TRPM5: variants seen among roughly 807,000 people sequenced by gnomAD.
TRPM5 encodes transient receptor potential cation channel subfamily M member 5.
A neutral mutation model predicts 124.9 loss-of-function variants in TRPM5; 121 were observed. That is an observed-to-expected ratio of 0.97 (90% CI 0.84 to 1.13). The LOEUF is 1.13. TRPM5 is among the 50% of genes most tolerant of loss of function. The pLI, the probability that TRPM5 is intolerant of heterozygous loss-of-function variation, is 0.00. For missense variants in TRPM5, 1,643 were observed against 1,589.1 expected (o/e 1.03, Z -0.58); for synonymous variants, 781 against 700.5 (o/e 1.11, Z -1.81).
In TRPM5 at chr11:2,418,721, G is replaced by A. The variant is rs575599381; in HGVS notation, c.650-130C>T. 74 of 910,084 alleles carry A rather than the reference G, an allele frequency of 8.1e-5. 1 individual carries two copies. The highest frequency in any genetic ancestry group is 3.3e-4 in the Admixed American group (13 of 39,400). The allele number at this position is 910,084 out of a possible 1,614,324, so 56.4% of individuals were successfully genotyped here. ...CCGAATAAAGTGTGGGCTTCGTCTG[G>A]GCCACGTGACACAGGCTGCTTATTA... is the stretch of plus-strand genomic sequence containing the variant. On this transcript the variant is annotated intron_variant, in intron 4 of 23. Transcript: ENST00000155858.
At chr11:2,442,696 G>A in the TRPM5 span, among the ~76,000 whole-genome samples, 1 of 152,172 alleles carries the variant, frequency 6.6e-6, no homozygotes, top group Non-Finnish European at 1.5e-5. The surrounding 1 kb of genome is among the most constrained non-coding windows in gnomAD (Gnocchi z 5.9). Context: ...CAGTGATGAG[G>A]AGTGCACCTG....
chr11:2,419,278 T>C (rs3892553), intron 4 of TRPM5, among the ~76,000 whole-genome samples: 70,715 of 151,666 alleles, frequency 0.47, 17,322 homozygotes, highest in East Asian at 0.66. Context: ...CCTGTGTCCC[T>C]AGAGTTTGAC....
At chr11:2,412,712 A>G in intron 15 of TRPM5, 42 bp downstream of exon 20, 2 of 1,528,074 alleles carry the variant, frequency 1.3e-6, no homozygotes, top group Non-Finnish European at 1.8e-6. Context: ...CCCAACCTGA[A>G]GCTGCAGAGT....
chr11:2,431,151 GAT>G, the TRPM5 span, among the ~76,000 whole-genome samples: 71 of 152,218 alleles, frequency 4.7e-4, no homozygotes, highest in South Asian at 0.014. Context: ...AGGAGAAGCA[GAT>G]ATCAGCTTCC....
chr11:2,414,362 C>T (rs545983074), intron 11 of TRPM5, among the ~76,000 whole-genome samples, 156 bp from the exon 17 acceptor site: 30 of 152,306 alleles, frequency 2.0e-4, no homozygotes, highest in Non-Finnish European at 3.1e-4. Flanking sequence ...CTCCGGCCTG[C>T]TCCGGGCCCT....
chr11:2,406,631 C>T (rs1220955680), intron 21 of TRPM5, 30 bp downstream of exon 26: 2 of 1,578,196 alleles, frequency 1.3e-6, no homozygotes, highest in Non-Finnish European at 8.6e-7. Flanking sequence ...CAGCCCGATA[C>T]CCACCAGTGA....
chr11:2,419,695 A>T (rs980661075), intron 4 of TRPM5, among the ~76,000 whole-genome samples: 1 of 151,666 alleles, frequency 6.6e-6, no homozygotes, highest in Non-Finnish European at 1.5e-5. Context: ...TAAATATTGT[A>T]TATTGTTCAT....
chr11:2,411,093 T>C (rs1477096748), intron 18 of TRPM5, among the ~76,000 whole-genome samples: 1 of 152,050 alleles, frequency 6.6e-6, no homozygotes, highest in Non-Finnish European at 1.5e-5. Flanking sequence ...GGGGTCTCCT[T>C]GTGTCTCCTT....
At chr11:2,423,715 G>A (rs540561789), upstream of TRPM5, among the ~76,000 whole-genome samples, 2 of 152,174 alleles carry the variant, frequency 1.3e-5, no homozygotes, top group Non-Finnish European at 2.9e-5. Context: ...GGCCGCGTGC[G>A]CCTCAGCCCT....
chr11:2,423,817 C>T (rs373654109), upstream of TRPM5, among the ~76,000 whole-genome samples: 380 of 152,292 alleles, frequency 2.5e-3, 2 homozygotes, highest in African/African-American at 8.7e-3. Context: ...ATCCAAGGAT[C>T]GGCACTGGCC....
At chr11:2,427,368 C>T (rs1379497951), upstream of TRPM5, among the ~76,000 whole-genome samples, 1 of 152,242 alleles carries the variant, frequency 6.6e-6, no homozygotes, top group African/African-American at 2.4e-5. Flanking sequence ...CTGGCCAAGG[C>T]GCGGGTGGAG....
intron 4 of TRPM5, 73 bp downstream of exon 9, chr11:2,420,149 A>C (rs1172408246): frequency 2.0e-6 from 3 of 1,504,000 alleles, no homozygotes; most frequent in Non-Finnish European, 2.7e-6. Flanking sequence ...GGTCACCCCC[A>C]CTCTCCCACA....
the TRPM5 span, among the ~76,000 whole-genome samples, chr11:2,431,539 T>G: frequency 9.9e-5 from 15 of 152,132 alleles, no homozygotes; most frequent in African/African-American, 3.4e-4. Flanking sequence ...CTACAGAAGT[T>G]CTTCCCCAGC....
chr11:2,411,568 C>T (rs1322174919), intron 17 of TRPM5, 42 bp from the exon 23 acceptor site: 3 of 1,608,044 alleles, frequency 1.9e-6, no homozygotes, highest in Non-Finnish European at 1.7e-6. Flanking sequence ...CAGCGGCCAG[C>T]CGGGTGGGGC....
intron 7 of TRPM5, 61 bp downstream of exon 12, chr11:2,417,666 A>G: frequency 7.2e-7 from 1 of 1,397,420 alleles, no homozygotes; most frequent in Non-Finnish European, 9.9e-7. Flanking sequence ...CAAACCCCAA[A>G]GCGGCTCTGA....
the TRPM5 span, among the ~76,000 whole-genome samples, chr11:2,435,628 C>A: frequency 6.6e-6 from 1 of 151,762 alleles, no homozygotes; most frequent in Non-Finnish European, 1.5e-5. The surrounding 1 kb of genome is among the most constrained non-coding windows in gnomAD (Gnocchi z 4.1). Context: ...TCCACCCATC[C>A]ACCAATCTAT....
intron 18 of TRPM5, 98 bp downstream of exon 23, chr11:2,411,253 TG>T: frequency 7.4e-7 from 1 of 1,360,070 alleles, no homozygotes; most frequent in Non-Finnish European, 9.7e-7. Flanking sequence ...GGGGTCTCCA[TG>T]GCCCCAACAG....
chr11:2,430,562 G>T, the TRPM5 span, among the ~76,000 whole-genome samples: 1 of 151,848 alleles, frequency 6.6e-6, no homozygotes, highest in East Asian at 1.9e-4. Context: ...CAGCGGTGAG[G>T]GTGGTGGCGG....
At position 2,415,232 on chromosome 11, in the gene TRPM5, C is replaced by G. The variant is rs752332865; in HGVS notation, c.1368G>C (p.Ala456=). ...CGTGCAGGGAGAAGGCCGGTGGCCC[C>G]GCGGGTGGCTCCCGGGCCTGCTGGG... Residue 456 remains alanine, a synonymous_variant, in exon 9 of 24, where the codon GCG becomes GCC. Coordinates refer to ENST00000155858, the Ensembl canonical transcript of TRPM5. 3 of 1,573,770 alleles carry G rather than the reference C, an allele frequency of 1.9e-6. No individual in the cohort carries two copies. In the East Asian group the frequency reaches 7.0e-5, roughly 37 times the overall value.
Sources: allele counts gnomAD v4.1 joint callset (sites outside exome capture counted in the v4.1 genomes callset), GRCh38; gene constraint gnomAD v4.1.1; non-coding constraint Gnocchi (gnomAD v3.1); transcripts MANE v1.5; gene names NCBI Gene and HGNC (gene_info 2026-07-23, HGNC 2026-07-21).